The following PDE4A variants were observed in gnomAD, a reference collection of about 807,000 sequenced individuals.
PDE4A encodes 3',5'-cyclic-AMP phosphodiesterase 4A.
A neutral mutation model predicts 73.9 loss-of-function variants in PDE4A; 21 were observed. The ratio of observed to expected loss-of-function variants is 0.28; its 90% CI spans 0.20 to 0.41. The LOEUF is 0.41. PDE4A is among the 10% of genes least tolerant of loss of function. PDE4A has a pLI of 1.00. For missense variants in PDE4A, 958 were observed against 1,211.4 expected (o/e 0.79, Z 3.10); for synonymous variants, 463 against 505.4 (o/e 0.92, Z 1.13).
chr19:10,417,988 C>CT, upstream of PDE4A: 2 of 1,145,152 alleles, frequency 1.7e-6, no homozygotes, highest in Middle Eastern at 4.3e-4. Context: ...CTAGCTGCAA[C>CT]TTGTCCTGTG....
In PDE4A at chr19:10,458,133, G is replaced by A. The variant is rs1308160004; in HGVS notation, c.1101+31G>A. The A allele has an allele frequency of 1.9e-6, 3 of 1,606,472 alleles. No individual in the cohort carries two copies. Among genetic ancestry groups the A allele is most frequent in the African/African-American group, 2.7e-5 (2 of 74,748 alleles). On this transcript the variant is annotated intron_variant, in intron 8 of 14. Transcript: ENST00000380702. This position sits in a 1 kb window ranked among gnomAD's most constrained non-coding sequence, Gnocchi z 4.6. ...TGGGGGCTCAGTAGGGGCAGGGCTG[G>A]AGGGGGTGGTCTCCTGGGACCCTGA...
Position 10,420,753 on chromosome 19 carries a change from G to A in PDE4A, c.-12G>A, listed in dbSNP as rs1160226159. Reference sequence around the variant, plus strand: ...GCCAGGGCCCCCTGGGGCGCAAGTGGGGGCCGGCGCCATGGAACCCCCGAC... The same window carrying A: ...GCCAGGGCCCCCTGGGGCGCAAGTGAGGGCCGGCGCCATGGAACCCCCGAC... On this transcript the variant is annotated 5_prime_UTR_variant, in exon 1 of 15. Transcript: ENST00000380702. The surrounding 1 kb of genome is among the most constrained non-coding windows in gnomAD (Gnocchi z 6.0). 5.8e-6 allele frequency: 9 copies of A among 1,546,514 alleles called. No individual in the cohort carries two copies. Among genetic ancestry groups the A allele is most frequent in the African/African-American group, 1.4e-5 (1 of 70,492 alleles).
At chr19:10,429,911 G>A (rs1568366094) in intron 1 of PDE4A, among the ~76,000 whole-genome samples, 2 of 152,080 alleles carry the variant, frequency 1.3e-5, no homozygotes, top group Non-Finnish European at 2.9e-5. Flanking sequence ...TCTCAGAGAT[G>A]CTGTAGAACC....
chr19:10,421,030 C>G lies in PDE4A; in HGVS notation c.266C>G (p.Ser89Cys). Residue 89 changes from serine to cysteine, a missense_variant, in exon 1 of 15, where the codon TCC becomes TGC. Around this residue, in one of 3 missense-constraint regions of PDE4A, gnomAD observed 145 missense variants for 137.8 expected, o/e 1.05. Coordinates refer to ENST00000380702, the MANE Select transcript of PDE4A (RefSeq NM_001111307.2). ...ACGACCCGCATGTCCTGGCCCTCGTCCTTCCATGGCACTGGCACCGGCAGC... is the reference window on the plus strand; with the variant it reads ...ACGACCCGCATGTCCTGGCCCTCGTGCTTCCATGGCACTGGCACCGGCAGC... ...LRTTRMSWPS[S>C]FHGTGTGSGG... 6.3e-6 allele frequency: 9 copies of G among 1,439,096 alleles called. No homozygotes were observed. Among genetic ancestry groups the G allele is most frequent in the Non-Finnish European group, 7.2e-6 (8 of 1,106,164 alleles). The allele number at this position is 1,439,096 out of a possible 1,614,324, so 89.1% of individuals were successfully genotyped here.
chr19:10,463,761 T>C lies in PDE4A; in HGVS notation c.1744-32T>C, dbSNP rs770277695. 1.4e-5 allele frequency: 22 copies of C among 1,611,590 alleles called. No individual in the cohort carries two copies. The East Asian group carries it at 4.2e-4, about 31-fold the overall frequency. On this transcript the variant is annotated intron_variant, in intron 13 of 14. Transcript: ENST00000380702. Reference sequence around the variant, plus strand: ...CAGACTGGGACACAGGCATAGCCTCTGAAGTTTCCCCTGTGCCCCAACCCC... The same window carrying C: ...CAGACTGGGACACAGGCATAGCCTCCGAAGTTTCCCCTGTGCCCCAACCCC...
rs1438084754 is a variant in PDE4A at position 10,469,466 on chromosome 19, G to C, written c.*1845G>C. On this transcript the variant is annotated 3_prime_UTR_variant, in exon 15 of 15. Transcript: ENST00000380702. ...TCCCCCCTTCTCCAGGAGCCAGGGG[G>C]TGACTGGAGAGACAGACCCACCCCC... 5 of 152,358 alleles carry C rather than the reference G, an allele frequency of 3.3e-5. No homozygotes were observed. The highest frequency in any genetic ancestry group is 7.3e-5 in the Non-Finnish European group (5 of 68,100). The allele number at this position is 152,358 out of a possible 1,614,324, so 9.4% of individuals were successfully genotyped here. A position where few individuals can be genotyped will look rare whatever the true frequency, so the allele number is the denominator to read the frequency against.
upstream of PDE4A, chr19:10,417,035 G>C (rs1038242163): frequency 1.3e-5 from 20 of 1,532,508 alleles, no homozygotes; most frequent in Admixed American, 2.8e-4. Flanking sequence ...TTCGCCCCTT[G>C]GGGGAGACTA....
intron 11 of PDE4A, 121 bp downstream of exon 11, chr19:10,461,224 T>A: frequency 2.1e-6 from 2 of 932,274 alleles, no homozygotes; most frequent in South Asian, 3.1e-5. Flanking sequence ...CTGGCTGGCC[T>A]GGAAAGGGGA....
At chr19:10,419,057 T>TTA, upstream of PDE4A, 4 of 158,546 alleles carry the variant, frequency 2.5e-5, no homozygotes, top group South Asian at 3.0e-4. Flanking sequence ...ACCGGCAGTC[T>TTA]TTTTTTTTTT....
intron 7 of PDE4A, among the ~76,000 whole-genome samples, chr19:10,455,304 A>T (rs2043153090): frequency 6.6e-6 from 1 of 152,024 alleles, no homozygotes; most frequent in Admixed American, 6.6e-5. Context: ...CTCTACTAAA[A>T]ATACAAAAAA....
intron 13 of PDE4A, 36 bp downstream of exon 13, chr19:10,462,035 A>G: frequency 6.5e-7 from 1 of 1,549,528 alleles, no homozygotes; most frequent in Non-Finnish European, 8.8e-7. Flanking sequence ...GAGGGAGGAC[A>G]CTCCCCCAGC....
chr19:10,425,571 T>C (rs1261019193), intron 1 of PDE4A, among the ~76,000 whole-genome samples: 2 of 152,328 alleles, frequency 1.3e-5, no homozygotes, highest in East Asian at 1.9e-4. Flanking sequence ...ACAGATTGAC[T>C]GCAGGCTCTT....
At chr19:10,417,175 C>T (rs190221224), upstream of PDE4A, 514 of 983,718 alleles carry the variant, frequency 5.2e-4, 2 homozygotes, top group African/African-American at 8.8e-3. Flanking sequence ...CTAAGAGGCT[C>T]TCAGCCGGCC....
rs1484187267 is a variant in PDE4A at position 10,461,675 on chromosome 19, G to T, written c.1615G>T (p.Asp539Tyr). The T allele has an allele frequency of 9.1e-7, 1 of 1,101,452 alleles. No homozygotes were observed. Among genetic ancestry groups the T allele is most frequent in the East Asian group, 3.6e-5 (1 of 28,138 alleles). 68.2% of individuals were successfully genotyped at this position (1,101,452 alleles called of 1,614,324 possible). ...QRQSLRKMVI[D>Y]MVLATDMSKH... ...GCAGAGCCTACGCAAGATGGTCATCGACATGGTGGGCGGGGCTGGGGCGGG... is the reference window on the plus strand; with the variant it reads ...GCAGAGCCTACGCAAGATGGTCATCTACATGGTGGGCGGGGCTGGGGCGGG... Residue 539 changes from aspartate (D) to tyrosine (Y), a missense_variant, in exon 12 of 15, where the codon GAC becomes TAC. Physicochemically the swap from Asp to Tyr is radical, Grantham distance 160. This residue lies in a region of PDE4A where 570 missense variants were observed against 827.7 expected (regional missense o/e 0.69). Coordinates refer to ENST00000380702, the MANE Select transcript of PDE4A (RefSeq NM_001111307.2).
At chr19:10,440,332 AT>A (rs202193519) in intron 1 of PDE4A, among the ~76,000 whole-genome samples, 3,152 of 151,696 alleles carry the variant, frequency 0.021, 102 homozygotes, top group African/African-American at 0.07. Context: ...GATGTTAAGG[AT>A]TTTTTTTCAT....
intron 14 of PDE4A, 73 bp from the exon 15 acceptor site, chr19:10,466,814 C>A (rs2043381208): frequency 1.9e-6 from 3 of 1,539,350 alleles, no homozygotes; most frequent in Middle Eastern, 1.9e-4. Context: ...TTTTTCATTT[C>A]ATTAGCTCCC....
At chr19:10,464,343 G>T in intron 14 of PDE4A, 1 of 455,538 alleles carries the variant, frequency 2.2e-6, no homozygotes, top group South Asian at 1.6e-5. Flanking sequence ...TGATCTACCC[G>T]CCTTGGCCTC....
intron 1 of PDE4A, chr19:10,429,036 CA>C (rs1177875836): frequency 2.5e-5 from 6 of 237,342 alleles, no homozygotes. Context: ...ACCTAGCAAG[CA>C]GAGGTTGCGG....
In PDE4A at chr19:10,461,532, A is replaced by G; in HGVS notation, c.1472A>G (p.Glu491Gly). ...CCTCCGGGCTGGGCTGCAGATTCGG[A>G]GCTGGCGCTCATGTACAACGATGAG... ...SNQFLINTNSELALMYNDESV... is the reference protein window; with the variant it reads ...SNQFLINTNSGLALMYNDESV... The change falls in exon 12 of 15, where the codon GAG becomes GGG. Residue 491 changes from glutamate to glycine, a missense_variant. Coordinates refer to ENST00000380702, the MANE Select transcript of PDE4A (RefSeq NM_001111307.2). 1.2e-6 allele frequency: 2 copies of G among 1,613,948 alleles called. No individual in the cohort carries two copies. Among genetic ancestry groups the G allele is most frequent in the Non-Finnish European group, 1.7e-6 (2 of 1,179,996 alleles).
Sources: allele counts gnomAD v4.1 joint callset (sites outside exome capture counted in the v4.1 genomes callset), GRCh38; gene constraint gnomAD v4.1.1; regional missense constraint gnomAD v4.1.1; non-coding constraint Gnocchi (gnomAD v3.1); transcripts MANE v1.5; gene names NCBI Gene and HGNC (gene_info 2026-07-23, HGNC 2026-07-21).